The following CFAP44 variants were observed in gnomAD, a reference collection of about 807,000 sequenced individuals.
The protein encoded by CFAP44 is cilia and flagella associated protein 44.
Under a neutral mutation model 216.2 loss-of-function variants are expected in CFAP44, and 134 were observed. That is an observed-to-expected ratio of 0.62 (90% confidence interval 0.54 to 0.72). The LOEUF (loss-of-function observed/expected upper bound fraction) is 0.72. Ranked by LOEUF, CFAP44 falls within the 30% of genes least tolerant of loss-of-function variation. The pLI is 0.00. For synonymous variants in CFAP44, 700 were observed against 727.6 expected, an observed-to-expected ratio of 0.96 and a Z score of 0.61; for missense variants, 2,035 against 2,182.1, an observed-to-expected ratio of 0.93 and a Z score of 1.34.
At chr3:113,356,673 C>G (rs2107306002) in intron 22 of CFAP44, among the ~76,000 whole-genome samples, 1 of 152,150 alleles carries the variant, frequency 6.6e-6, no homozygotes, top group Non-Finnish European at 1.5e-5. Context: ...TCACACCACC[C>G]ATAAAAATTA....
intron 25 of CFAP44, among the ~76,000 whole-genome samples, chr3:113,332,220 T>C (rs890456023): frequency 6.6e-6 from 1 of 152,178 alleles, no homozygotes; most frequent in Non-Finnish European, 1.5e-5. Flanking sequence ...TGTAACATGA[T>C]GAATAAATAA....
At chr3:113,304,225 T>C (rs909323281) in intron 31 of CFAP44, 108 bp from the exon 32 acceptor site, 3 of 1,164,382 alleles carry the variant, frequency 2.6e-6, no homozygotes, top group South Asian at 1.6e-5. Context: ...TTTAGCTCCT[T>C]GCCTTTGGGC....
At chr3:113,414,453 T>C (rs887096296) in intron 6 of CFAP44, among the ~76,000 whole-genome samples, 1 of 152,186 alleles carries the variant, frequency 6.6e-6, no homozygotes, top group African/African-American at 2.4e-5. Flanking sequence ...TCAAAGAGAA[T>C]GCTTCCAACT....
rs560274511 is a variant in CFAP44 at position 113,386,318 on chromosome 3, A to C, written c.1891-5258T>G. Among the ~76,000 whole-genome samples the C allele has an allele frequency of 5.3e-5, 8 of 152,138 alleles. No individual in the cohort carries two copies. The South Asian group carries it at 1.7e-3, about 32-fold the overall frequency. ...TTTTTTTTATTCATTCAGCTTCTCT[A>C]TGTCTTTAGATTGTGGAGTTTAATC... On this transcript the variant is annotated intron_variant, in intron 15 of 34. Transcript: ENST00000393845.
At chr3:113,423,664 A>C (rs1934881683) in intron 4 of CFAP44, among the ~76,000 whole-genome samples, 1 of 152,216 alleles carries the variant, frequency 6.6e-6, no homozygotes, top group South Asian at 2.1e-4. Context: ...TAAGTTCTGT[A>C]TAATCTCTTT....
chr3:113,432,082 T>G (rs1935120309), intron 2 of CFAP44: 1 of 152,198 alleles, frequency 6.6e-6, no homozygotes, highest in African/African-American at 2.4e-5. Flanking sequence ...CATCTCTAAA[T>G]GGTAGATCCA....
Position 113,330,491 on chromosome 3 carries a change from G to A in CFAP44, c.3793C>T (p.Pro1265Ser). 1 of 1,537,108 alleles carries A rather than the reference G, an allele frequency of 6.5e-7. No individual in the cohort carries two copies. The highest frequency in any genetic ancestry group is 8.7e-7 in the Non-Finnish European group (1 of 1,146,882). The change falls in exon 26 of 35, where the codon CCA (proline) becomes TCA (serine). Residue 1265 changes from proline (P) to serine (S), a missense_variant. Around this residue, in one of 3 missense-constraint regions of CFAP44, gnomAD observed 1,883 missense variants for 2,023.7 expected, o/e 0.93. Coordinates refer to ENST00000393845, the MANE Select transcript of CFAP44 (RefSeq NM_001164496.2). ...TCATCATACTGAAATCTCTTTTCTG[G>A]AACTTCTTCTGGGTGTATCTGAGGA... The part of the protein sequence containing the change: ...KIPQIHPEEV[P>S]EKRFQYDEET...
chr3:113,360,941 C>T, intron 21 of CFAP44: 1 of 228,752 alleles, frequency 4.4e-6, no homozygotes, highest in Non-Finnish European at 9.2e-6. Flanking sequence ...AAAAAAAAGG[C>T]AGTTGAATTT....
chr3:113,384,261 G>A lies in CFAP44; in HGVS notation c.1891-3201C>T, dbSNP rs373108247. On this transcript the variant is annotated intron_variant, in intron 15 of 34. Coordinates refer to ENST00000393845, the MANE Select transcript of CFAP44 (RefSeq NM_001164496.2). ...TTTTTAGTAGAGACAGAGTTTCACC[G>A]TGTTAGCCAGGATGGTCTCGATCCC... Among the ~76,000 whole-genome samples, 118 of 152,014 alleles carry A rather than the reference G, an allele frequency of 7.8e-4. 1 individual carries two copies. The highest frequency in any genetic ancestry group is 2.4e-3 in the African/African-American group (100 of 41,482).
Position 113,334,665 on chromosome 3 carries a change from G to GA in CFAP44, c.3438-1083dup, listed in dbSNP as rs201418516. Reference sequence around the variant, plus strand: ...ATTTAGCAAAATTAATTAAAGGATTGAAAAAAAAATGCTTAAACCAGTTGG... The same window carrying GA: ...ATTTAGCAAAATTAATTAAAGGATTGAAAAAAAAAATGCTTAAACCAGTTGG... On this transcript the variant is annotated intron_variant, in intron 24 of 34. Coordinates refer to ENST00000393845, the MANE Select transcript of CFAP44 (RefSeq NM_001164496.2). 3.8e-3 allele frequency among the ~76,000 whole-genome samples: 573 copies of GA among 149,950 alleles called. 3 individuals are homozygous for GA. Among genetic ancestry groups the GA allele is most frequent in the Middle Eastern group, 0.014 (4 of 292 alleles).
rs145436802 is a variant in CFAP44 at position 113,347,665 on chromosome 3, G to A, written c.3066-2953C>T. 6.2e-3 allele frequency among the ~76,000 whole-genome samples: 943 copies of A among 151,138 alleles called. 7 individuals are homozygous for A. The highest frequency in any genetic ancestry group is 9.4e-3 in the Admixed American group (142 of 15,160). On this transcript the variant is annotated intron_variant, in intron 22 of 34. Transcript: ENST00000393845. ...TTTTAGGATCCTTCCTCAGACAAGC[G>A]GGCCTAACAAAAGCTATTCCTGAAG...
At chr3:113,389,334 G>A (rs1166045326) in intron 15 of CFAP44, among the ~76,000 whole-genome samples, 1 of 152,028 alleles carries the variant, frequency 6.6e-6, no homozygotes, top group Non-Finnish European at 1.5e-5. Context: ...AATGACAGTA[G>A]AAACACAACA....
chr3:113,333,464 T>A lies in CFAP44; in HGVS notation c.3557A>T (p.Glu1186Val), dbSNP rs1950257014. 2.0e-6 allele frequency: 3 copies of A among 1,537,146 alleles called. No individual in the cohort carries two copies. Among genetic ancestry groups the A allele is most frequent in the Non-Finnish European group, 2.6e-6 (3 of 1,146,870 alleles). The stretch of plus-strand genomic sequence containing the variant: ...CTTGGCAGCATTTATTCTCATGTGC[T>A]CAGGTATCTTGTAGTCTGGGGCTGT... ...LKTAPDYKIPEHMRINAAKKE... is the reference protein window; with the variant it reads ...LKTAPDYKIPVHMRINAAKKE... Residue 1186 changes from glutamate (E) to valine (V), a missense_variant, in exon 25 of 35, where the codon GAG (glutamate) becomes GTG (valine). By Grantham distance (121) the Glu-to-Val change is moderately radical. Around this residue, in one of 3 missense-constraint regions of CFAP44, gnomAD observed 1,883 missense variants for 2,023.7 expected, o/e 0.93. Transcript: ENST00000393845.
chr3:113,383,585 G>A (rs1459106036), intron 15 of CFAP44, among the ~76,000 whole-genome samples: 1 of 152,008 alleles, frequency 6.6e-6, no homozygotes, highest in African/African-American at 2.4e-5. Context: ...AGCTGGATAT[G>A]GAAGGAAATG....
At chr3:113,377,564 G>C (rs1039113509) in intron 17 of CFAP44, among the ~76,000 whole-genome samples, 3 of 152,064 alleles carry the variant, frequency 2.0e-5, no homozygotes, top group African/African-American at 7.2e-5. Context: ...AAATTACTTA[G>C]AAAAATACCT....
At chr3:113,318,957 CA>C (rs59028965) in intron 28 of CFAP44, among the ~76,000 whole-genome samples, 96 of 144,728 alleles carry the variant, frequency 6.6e-4, no homozygotes, top group Non-Finnish European at 1.2e-3. Context: ...AATAAAAAAA[CA>C]AAAAAAAACA....
chr3:113,325,295 C>T lies in CFAP44; in HGVS notation c.4516+1150G>A, dbSNP rs562850391. On this transcript the variant is annotated intron_variant, in intron 28 of 34. Transcript: ENST00000393845. ...CAGCCTGGGTGACAGAGCCAGACTCCGTCTCAAAAAAAAAAAAAAAAATCA... is the reference window on the plus strand; with the variant it reads ...CAGCCTGGGTGACAGAGCCAGACTCTGTCTCAAAAAAAAAAAAAAAAATCA... Among the ~76,000 whole-genome samples, 9 of 132,282 alleles carry T rather than the reference C, an allele frequency of 6.8e-5. 1 individual carries two copies. The South Asian group carries it at 2.0e-3, about 29-fold the overall frequency. The allele number at this position is 132,282 out of a possible 152,430, so 86.8% of individuals were successfully genotyped here. A position where few individuals can be genotyped will look rare whatever the true frequency, so the allele number is the denominator to read the frequency against.
At chr3:113,324,288 TA>T (rs539399289) in intron 28 of CFAP44, among the ~76,000 whole-genome samples, 1 of 151,994 alleles carries the variant, frequency 6.6e-6, no homozygotes, top group Non-Finnish European at 1.5e-5. Flanking sequence ...ACCCTGATAC[TA>T]AAACCAGACA....
At chr3:113,299,017 AAAT>A (rs1000778468) in intron 32 of CFAP44, among the ~76,000 whole-genome samples, 1 of 152,252 alleles carries the variant, frequency 6.6e-6, no homozygotes, top group African/African-American at 2.4e-5. Context: ...GCAATTTAAA[AAAT>A]AAACTTAGAA....
Sources: allele counts gnomAD v4.1 joint callset (sites outside exome capture counted in the v4.1 genomes callset), GRCh38; gene constraint gnomAD v4.1.1; regional missense constraint gnomAD v4.1.1; transcripts MANE v1.5; gene names NCBI Gene and HGNC (gene_info 2026-07-23, HGNC 2026-07-21).